The following MET variants were observed in gnomAD, a reference collection of about 807,000 sequenced individuals.
MET encodes the protein MET proto-oncogene, receptor tyrosine kinase, also known as hepatocyte growth factor receptor.
Under a neutral mutation model 133.1 loss-of-function variants are expected in MET, and 48 were observed. The ratio of observed to expected loss-of-function variants is 0.36; its 90% CI spans 0.29 to 0.46. The LOEUF is 0.46. Among genes scored for constraint, MET ranks in the 20% least tolerant of loss-of-function variants. The pLI is 1.00. For synonymous variants in MET, 628 were observed against 616.5 expected, an observed-to-expected ratio of 1.02 and a Z score of -0.28; for missense variants, 1,442 against 1,695.9, an observed-to-expected ratio of 0.85 and a Z score of 2.63.
chr7:116,693,284 G>A (rs777323971), intron 1 of MET, among the ~76,000 whole-genome samples: 37 of 152,118 alleles, frequency 2.4e-4, no homozygotes, highest in African/African-American at 8.5e-4. Context: ...ATCCCTCTGC[G>A]GGCTTTAATA....
chr7:116,729,028 T>C (rs1281119923), intron 2 of MET, among the ~76,000 whole-genome samples: 1 of 152,218 alleles, frequency 6.6e-6, no homozygotes, highest in Non-Finnish European at 1.5e-5. Flanking sequence ...AGATTTAAAA[T>C]TGGTCTTTGC....
intron 3 of MET, among the ~76,000 whole-genome samples, chr7:116,738,114 CT>C (rs1257544932): frequency 4.6e-5 from 7 of 152,220 alleles, no homozygotes; most frequent in Non-Finnish European, 5.9e-5. Flanking sequence ...TTAAGACAGA[CT>C]GGTGTTCTGT....
At position 116,700,289 on chromosome 7, in the gene MET, G is replaced by T; in HGVS notation, c.1200+5G>T. ...CATGAGCACTGCTTTAATAGGGTAAGTCACATCAGTTCCCCACTTATAAAC... is the reference window on the plus strand; with the variant it reads ...CATGAGCACTGCTTTAATAGGGTAATTCACATCAGTTCCCCACTTATAAAC... On this transcript the variant is annotated splice_donor_5th_base_variant and intron_variant, in intron 2 of 20. Coordinates refer to ENST00000397752, the MANE Select transcript of MET (RefSeq NM_000245.4). 1 of 1,601,120 alleles carries T rather than the reference G, an allele frequency of 6.2e-7. No individual in the cohort carries two copies. Among genetic ancestry groups the T allele is most frequent in the Non-Finnish European group, 8.5e-7 (1 of 1,178,682 alleles).
chr7:116,729,435 C>T (rs919982616), intron 2 of MET, among the ~76,000 whole-genome samples: 3 of 152,140 alleles, frequency 2.0e-5, no homozygotes, highest in African/African-American at 4.8e-5. Flanking sequence ...ATGTGGCAGA[C>T]ATTTGACCTT....
At chr7:116,771,359 CTTA>C (rs2116990227) in intron 12 of MET, 136 bp from the exon 13 acceptor site, 2 of 935,724 alleles carry the variant, frequency 2.1e-6, no homozygotes, top group Non-Finnish European at 3.4e-6. Flanking sequence ...TGAGGAATCT[CTTA>C]TTATCCTGAA....
chr7:116,731,763 T>C lies in MET; in HGVS notation c.1296T>C (p.Gly432=), dbSNP rs200255054. 2 of 1,614,132 alleles carry C rather than the reference T, an allele frequency of 1.2e-6. No individual in the cohort carries two copies. Among genetic ancestry groups the C allele is most frequent in the Non-Finnish European group, 1.7e-6 (2 of 1,180,002 alleles). The change falls in exon 3 of 21, where the codon GGT becomes GGC. Residue 432 remains glycine, a synonymous_variant. Transcript: ENST00000397752. ...TGCAGCGCGTTGACTTATTCATGGG[T>C]CAATTCAGCGAAGTCCTCTTAACAT... ...TALQRVDLFM[G]QFSEVLLTSI... is the part of the protein sequence containing the mutation.
chr7:116,687,714 T>G (rs1256176208), intron 1 of MET, among the ~76,000 whole-genome samples: 1 of 152,234 alleles, frequency 6.6e-6, no homozygotes, highest in Non-Finnish European at 1.5e-5. Flanking sequence ...AACATTGATT[T>G]CCAAGAAAAT....
At chr7:116,787,087 C>A (rs1171214311) in intron 19 of MET, among the ~76,000 whole-genome samples, 2 of 152,152 alleles carry the variant, frequency 1.3e-5, no homozygotes, top group Non-Finnish European at 2.9e-5. Flanking sequence ...AGGACCAGGA[C>A]TTCAGCATGC....
rs1792255711 is a variant in MET, at chr7:116,716,759, A to G, written c.1201-14909A>G. Reference sequence around the variant, plus strand: ...GAAGAGATGGCAACGGGGTGTGTAGAGTTAGGTCATCACCACGAGGCTGTG... The same window carrying G: ...GAAGAGATGGCAACGGGGTGTGTAGGGTTAGGTCATCACCACGAGGCTGTG... On this transcript the variant is annotated intron_variant, in intron 2 of 20. Coordinates refer to ENST00000397752, the MANE Select transcript of MET (RefSeq NM_000245.4). Among the ~76,000 whole-genome samples, 2 of 152,192 alleles carry G rather than the reference A, an allele frequency of 1.3e-5. 1 individual carries two copies. Among genetic ancestry groups the G allele is most frequent in the African/African-American group, 4.8e-5 (2 of 41,458 alleles).
At chr7:116,704,692 C>T (rs1791720179) in intron 2 of MET, among the ~76,000 whole-genome samples, 1 of 151,950 alleles carries the variant, frequency 6.6e-6, no homozygotes, top group South Asian at 2.1e-4. Flanking sequence ...TTTGAGGGGG[C>T]AGAGGATGGG....
intron 1 of MET, among the ~76,000 whole-genome samples, chr7:116,681,245 G>T (rs1431701159): frequency 6.6e-6 from 1 of 152,024 alleles, no homozygotes; most frequent in Non-Finnish European, 1.5e-5. Context: ...TAAGCACTCT[G>T]TTATCTACTC....
chr7:116,697,594 C>T (rs761144864), intron 1 of MET, among the ~76,000 whole-genome samples: 9 of 152,142 alleles, frequency 5.9e-5, no homozygotes, highest in Non-Finnish European at 1.3e-4. Flanking sequence ...TATGTAACTT[C>T]GAATTTCGGC....
At chr7:116,786,969 GAA>G (rs1471266287) in intron 19 of MET, among the ~76,000 whole-genome samples, 1 of 152,188 alleles carries the variant, frequency 6.6e-6, no homozygotes, top group Non-Finnish European at 1.5e-5. Flanking sequence ...GACTTCAACT[GAA>G]AGCTGAGTTT....
intron 4 of MET, among the ~76,000 whole-genome samples, chr7:116,740,324 A>G (rs1463556588): frequency 6.6e-6 from 1 of 152,248 alleles, no homozygotes; most frequent in East Asian, 1.9e-4. Context: ...ATTTCTCAAC[A>G]AGAAAAATAA....
At chr7:116,792,303 T>A (rs908232411) in intron 19 of MET, among the ~76,000 whole-genome samples, 1 of 152,160 alleles carries the variant, frequency 6.6e-6, no homozygotes, top group Non-Finnish European at 1.5e-5. Flanking sequence ...AGCTTATTGC[T>A]GGTGCTCAAA....
intron 5 of MET, among the ~76,000 whole-genome samples, chr7:116,754,458 T>C (rs532663407): frequency 2.0e-5 from 3 of 152,062 alleles, no homozygotes; most frequent in African/African-American, 7.2e-5. Context: ...TATGAGCAAG[T>C]AAAAGTCTGG....
intron 11 of MET, among the ~76,000 whole-genome samples, chr7:116,767,974 A>ATATGTGTG (rs1554397514): frequency 2.1e-4 from 30 of 140,198 alleles, no homozygotes; most frequent in African/African-American, 4.3e-4. Context: ...ATATATATAT[A>ATATGTGTG]TGTGTGTGTG....
intron 6 of MET, among the ~76,000 whole-genome samples, chr7:116,756,178 G>T (rs1794170468): frequency 1.3e-5 from 2 of 152,070 alleles, no homozygotes; most frequent in South Asian, 4.1e-4. Context: ...CTTCAGCTCA[G>T]CTCTGATCAT....
rs1394940728 is a variant in MET, at chr7:116,796,747, T to C, written c.*623T>C. 3 of 195,344 alleles carry C rather than the reference T, an allele frequency of 1.5e-5. No homozygotes were observed. The East Asian group carries it at 2.5e-4, about 16-fold the overall frequency. The allele number at this position is 195,344 out of a possible 1,614,324, so 12.1% of individuals were successfully genotyped here. On this transcript the variant is annotated 3_prime_UTR_variant, in exon 21 of 21. Transcript: ENST00000397752. ...ACCTCCCAGGCTCAAGCCTCCCGAA[T>C]AGCTGGGACTACAGGCGCACACCAC...
Sources: gnomAD v4.1 joint callset for allele counts (sites outside exome capture counted in the v4.1 genomes callset) on GRCh38, gnomAD v4.1.1 for gene constraint, MANE v1.5 for transcripts, NCBI Gene and HGNC (gene_info 2026-07-23, HGNC 2026-07-21) for gene names.